The following ADAM9 variants were observed in gnomAD, a reference collection of about 807,000 sequenced individuals.
ADAM9 encodes the protein ADAM metallopeptidase domain 9, also known as disintegrin and metalloproteinase domain-containing protein 9.
Under a neutral mutation model 108.1 loss-of-function variants are expected in ADAM9, and 54 were observed. That is an observed-to-expected ratio of 0.50 (90% CI 0.40 to 0.63). The LOEUF (loss-of-function observed/expected upper bound fraction) is 0.63, where lower values mean the gene tolerates loss of function less well. Among genes scored for constraint, ADAM9 ranks in the 20% least tolerant of loss-of-function variants. ADAM9 has a pLI of 0.00. For synonymous variants in ADAM9, 316 were observed against 336.0 expected (o/e 0.94, Z 0.65); for missense variants, 830 against 997.7 (o/e 0.83, Z 2.26).
At chr8:39,004,068 C>T (rs1259600204) in intron 1 of ADAM9, among the ~76,000 whole-genome samples, 1 of 152,140 alleles carries the variant, frequency 6.6e-6, no homozygotes, top group Non-Finnish European at 1.5e-5. Context: ...TACCTGCCTG[C>T]CCATAAGAAC....
chr8:39,059,368 A>G (rs1316799554), intron 14 of ADAM9, among the ~76,000 whole-genome samples: 1 of 152,126 alleles, frequency 6.6e-6, no homozygotes, highest in Admixed American at 6.5e-5. Context: ...ATGGTGTCAT[A>G]CTGGGGACTC....
chr8:39,059,867 G>A (rs899125928), intron 14 of ADAM9, among the ~76,000 whole-genome samples: 16 of 152,234 alleles, frequency 1.1e-4, no homozygotes, highest in Admixed American at 2.0e-4. Context: ...GAAGTTCCCC[G>A]TGAGGTCATA....
chr8:39,020,505 C>T (rs539321061), intron 7 of ADAM9, among the ~76,000 whole-genome samples: 131 of 152,176 alleles, frequency 8.6e-4, no homozygotes, highest in African/African-American at 3.1e-3. Context: ...TAAAATTTTT[C>T]TTCTGCTAAA....
In ADAM9 at chr8:39,103,991, T is replaced by G; in HGVS notation, c.*291T>G. ...ACTAATCATGGATTTTTTGAACATG[T>G]TATTGCAGTGATTCTCAAATTAACT... On this transcript the variant is annotated 3_prime_UTR_variant, in exon 22 of 22. Transcript: ENST00000487273. 1.8e-6 allele frequency: 1 copy of G among 566,196 alleles called. No individual in the cohort carries two copies. The highest frequency in any genetic ancestry group is 3.3e-6 in the Non-Finnish European group (1 of 300,884). 35.1% of individuals were successfully genotyped at this position (566,196 alleles called of 1,614,324 possible).
chr8:39,083,122 A>G (rs556540555), intron 18 of ADAM9, 49 bp downstream of exon 18: 91 of 1,460,804 alleles, frequency 6.2e-5, no homozygotes, highest in Non-Finnish European at 8.2e-5. Flanking sequence ...GGCCCAAGGC[A>G]TAAATTGGGC....
chr8:39,040,172 C>T (rs572699818), intron 11 of ADAM9, among the ~76,000 whole-genome samples: 1 of 152,280 alleles, frequency 6.6e-6, no homozygotes, highest in African/African-American at 2.4e-5. Flanking sequence ...ACCTCAGCCT[C>T]CCAAGTAGCT....
At chr8:39,025,748 C>T in intron 9 of ADAM9, 55 bp from the exon 10 acceptor site, 1 of 1,491,840 alleles carries the variant, frequency 6.7e-7, no homozygotes, top group South Asian at 1.1e-5. Context: ...AAAATAAAAG[C>T]AATGTGTTCC....
At chr8:39,027,957 G>T (rs1371620039) in intron 11 of ADAM9, among the ~76,000 whole-genome samples, 2 of 152,076 alleles carry the variant, frequency 1.3e-5, no homozygotes, top group African/African-American at 4.8e-5. Flanking sequence ...GTGTGTTGGT[G>T]CGTGCCTGTA....
intron 15 of ADAM9, among the ~76,000 whole-genome samples, chr8:39,072,582 G>C (rs1401030971): frequency 2.0e-5 from 3 of 152,130 alleles, no homozygotes; most frequent in Admixed American, 6.5e-5. Context: ...CCTCCTCTCT[G>C]AGAAGCTCCA....
At chr8:39,021,178 A>G (rs1394492188) in intron 7 of ADAM9, among the ~76,000 whole-genome samples, 4 of 152,252 alleles carry the variant, frequency 2.6e-5, no homozygotes, top group Non-Finnish European at 5.9e-5. Flanking sequence ...ACTACAATGT[A>G]ACCTTTAAAT....
rs1564298198 is a variant in ADAM9 at position 39,045,159 on chromosome 8, C to CATACATATATGTGTATATATGTGT, written c.1302+3050_1302+3073dup. On this transcript the variant is annotated intron_variant, in intron 12 of 21. Coordinates refer to ENST00000487273, the MANE Select transcript of ADAM9 (RefSeq NM_003816.3). ...ACATATATGTGTATATATGTGTATACATACATATATGTGTATATATGTGTA... is the reference window on the plus strand; with the variant it reads ...ACATATATGTGTATATATGTGTATACATACATATATGTGTATATATGTGTATACATATATGTGTATATATGTGTA... 2.9e-5 allele frequency among the ~76,000 whole-genome samples: 3 copies of CATACATATATGTGTATATATGTGT among 104,188 alleles called. 1 individual carries two copies. The East Asian group carries it at 8.5e-4, about 30-fold the overall frequency. 68.4% of individuals were successfully genotyped at this position (104,188 alleles called of 152,430 possible). A position where few individuals can be genotyped will look rare whatever the true frequency, so the allele number is the denominator to read the frequency against.
chr8:39,023,120 ACTATATTT>A, intron 8 of ADAM9, 28 bp from the exon 9 acceptor site: 2 of 1,560,890 alleles, frequency 1.3e-6, no homozygotes, highest in Non-Finnish European at 1.8e-6. Context: ...CACGTTCTTT[ACTATATTT>A]TATATACTTT....
rs2129434439 is a variant in ADAM9 at position 39,026,730 on chromosome 8, T to A, written c.1050T>A (p.Gly350=). 2 of 1,614,186 alleles carry A rather than the reference T, an allele frequency of 1.2e-6. No individual in the cohort carries two copies. The highest frequency in any genetic ancestry group is 2.2e-5 in the South Asian group (2 of 91,084). The part of the protein sequence containing the change: ...TFASIVAHEL[G]HNLGMNHDDG... ...CTTCCATTGTTGCTCATGAATTGGG[T>A]CATAATCTTGGAATGAATCACGATG... is the stretch of plus-strand genomic sequence containing the variant. Residue 350 remains glycine, a synonymous_variant, in exon 11 of 22, where the codon GGT becomes GGA. Transcript: ENST00000487273.
intron 15 of ADAM9, among the ~76,000 whole-genome samples, chr8:39,076,760 T>C (rs1838861393): frequency 6.6e-6 from 1 of 152,234 alleles, no homozygotes; most frequent in Non-Finnish European, 1.5e-5. Context: ...TTTAAATAAG[T>C]AACCAAGAGT....
chr8:39,064,681 A>C (rs1838401025), intron 14 of ADAM9, among the ~76,000 whole-genome samples: 1 of 152,072 alleles, frequency 6.6e-6, no homozygotes. Context: ...TTCCCATATT[A>C]CCTTCTTTCT....
At chr8:39,018,654 C>T in intron 6 of ADAM9, 199 bp from the exon 7 acceptor site, 1 of 603,876 alleles carries the variant, frequency 1.7e-6, no homozygotes, top group Non-Finnish European at 2.9e-6. Flanking sequence ...AAGTCATTAG[C>T]AGAACTGGAC....
rs534171813 is a variant in ADAM9, at chr8:39,086,220, G to A, written c.2068+3147G>A. On this transcript the variant is annotated intron_variant, in intron 18 of 21. Coordinates refer to ENST00000487273, the MANE Select transcript of ADAM9 (RefSeq NM_003816.3). ...AGTAGAGACAGGGTTTTACGCTGTTGGCCAGGCTGGTCTCAAAGTCCTGGC... is the reference window on the plus strand; with the variant it reads ...AGTAGAGACAGGGTTTTACGCTGTTAGCCAGGCTGGTCTCAAAGTCCTGGC... Among the ~76,000 whole-genome samples the A allele has an allele frequency of 1.4e-4, 21 of 152,154 alleles. 1 individual carries two copies. In the South Asian group the frequency reaches 4.2e-3, roughly 30 times the overall value.
chr8:39,101,332 G>T (rs1417445419), intron 20 of ADAM9, among the ~76,000 whole-genome samples: 2 of 152,162 alleles, frequency 1.3e-5, no homozygotes, highest in African/African-American at 4.8e-5. Flanking sequence ...GATGCCACAG[G>T]TGGAAATTTC....
At position 39,098,969 on chromosome 8, in the gene ADAM9, T is replaced by A. The variant is rs898240288; in HGVS notation, c.2299-2894T>A. Among the ~76,000 whole-genome samples, 42 of 152,052 alleles carry A rather than the reference T, an allele frequency of 2.8e-4. 1 individual carries two copies. The highest frequency in any genetic ancestry group is 3.9e-4 in the East Asian group (2 of 5,184). On this transcript the variant is annotated intron_variant, in intron 20 of 21. Coordinates refer to ENST00000487273, the MANE Select transcript of ADAM9 (RefSeq NM_003816.3). ...GAAATTTTTGTTGATATATATATAT[T>A]TTTTTGCCACACAAATGTTAGGAAC...
Sources: gnomAD v4.1 joint callset for allele counts (sites outside exome capture counted in the v4.1 genomes callset) on GRCh38, gnomAD v4.1.1 for gene constraint, MANE v1.5 for transcripts, NCBI Gene and HGNC (gene_info 2026-07-23, HGNC 2026-07-21) for gene names.